Variants in ZNF558 observed in about 807,000 individuals in gnomAD.
ZNF558 encodes zinc finger protein 558.
A neutral mutation model predicts 37.6 loss-of-function variants in ZNF558; 23 were observed. The ratio of observed to expected loss-of-function variants is 0.61; its 90% confidence interval spans 0.44 to 0.87. ZNF558 has a LOEUF of 0.87. Ranked by LOEUF, ZNF558 falls within the 40% of genes least tolerant of loss-of-function variation. The pLI is 0.00. For missense variants in ZNF558, 429 were observed against 483.7 expected, an observed-to-expected ratio of 0.89 and a Z score of 1.06; for synonymous variants, 189 against 174.4, an observed-to-expected ratio of 1.08 and a Z score of -0.66.
intron 4 of ZNF558, among the ~76,000 whole-genome samples, chr19:8,823,400 C>T (rs2044147876): frequency 8.7e-6 from 1 of 114,992 alleles, no homozygotes; most frequent in Non-Finnish European, 1.9e-5. Flanking sequence ...CTCGGTCACC[C>T]CCATCCTGCC....
intron 2 of ZNF558, among the ~76,000 whole-genome samples, chr19:8,827,748 A>G (rs1381061472): frequency 2.0e-5 from 3 of 151,640 alleles, no homozygotes; most frequent in African/African-American, 7.3e-5. Context: ...TAATTTTCGT[A>G]TTTTTAGTAG....
intron 2 of ZNF558, among the ~76,000 whole-genome samples, chr19:8,826,208 T>C (rs2044227835): frequency 6.6e-6 from 1 of 152,082 alleles, no homozygotes; most frequent in Non-Finnish European, 1.5e-5. Context: ...TACCAGGGAC[T>C]GGTTTCGTGG....
At chr19:8,830,598 A>T (rs1277494261) in intron 2 of ZNF558, among the ~76,000 whole-genome samples, 1 of 152,190 alleles carries the variant, frequency 6.6e-6, no homozygotes, top group Non-Finnish European at 1.5e-5. Context: ...TGCCTTTAGA[A>T]ATCAAATCAA....
Position 8,822,532 on chromosome 19 carries a change from G to A in ZNF558, c.31+97C>T, listed in dbSNP as rs2044120066. The A allele has an allele frequency of 3.8e-6, 6 of 1,568,750 alleles. No individual in the cohort carries two copies. In the East Asian group the frequency reaches 1.4e-4, roughly 36 times the overall value. ...TCTGGGCCCCTGGGGCTCCACTCCT[G>A]CCTCACCTGCTCTGCCCAACCCCGC... On this transcript the variant is annotated intron_variant, in intron 5 of 9. Transcript: ENST00000601372. This position sits in a 1 kb window ranked among gnomAD's most constrained non-coding sequence, Gnocchi z 4.4.
At chr19:8,834,942 G>A (rs2044438596), upstream of ZNF558, among the ~76,000 whole-genome samples, 1 of 151,986 alleles carries the variant, frequency 6.6e-6, no homozygotes, top group African/African-American at 2.4e-5. Flanking sequence ...CATGGACTGG[G>A]TGAAGACATT....
At chr19:8,830,222 T>G (rs10418211) in intron 2 of ZNF558, among the ~76,000 whole-genome samples, 5,137 of 152,280 alleles carry the variant, frequency 0.034, 300 homozygotes, top group African/African-American at 0.12. Flanking sequence ...GTAAGTTTCC[T>G]GAGGCCTCCC....
At position 8,811,398 on chromosome 19, in the gene ZNF558, C is replaced by T. The variant is rs781806142; in HGVS notation, c.1092G>A (p.Lys364=). Reference sequence around the variant, plus strand: ...CTCCAGTGTGAGTTCTTAAGTGTTTCTTCACAGCTGAGAGATTATTAAAGG... The same window carrying T: ...CTCCAGTGTGAGTTCTTAAGTGTTTTTTCACAGCTGAGAGATTATTAAAGG... ...GKAFNNLSAV[K]KHLRTHTGEK... is the part of the protein sequence containing the mutation. The change falls in exon 10 of 10, where the codon AAG becomes AAA. Residue 364 remains lysine (K), a synonymous_variant. Transcript: ENST00000601372. 6 of 1,613,050 alleles carry T rather than the reference C, an allele frequency of 3.7e-6. No homozygotes were observed. Among genetic ancestry groups the T allele is most frequent in the Non-Finnish European group, 5.1e-6 (6 of 1,179,750 alleles).
At chr19:8,834,960 G>A (rs1031581481), upstream of ZNF558, among the ~76,000 whole-genome samples, 14 of 151,658 alleles carry the variant, frequency 9.2e-5, no homozygotes, top group Non-Finnish European at 1.5e-5. Context: ...ATTTACAAAT[G>A]ATTTATCTGA....
chr19:8,826,592 G>T (rs1013145486), intron 2 of ZNF558, among the ~76,000 whole-genome samples: 3 of 152,096 alleles, frequency 2.0e-5, no homozygotes, highest in Admixed American at 1.3e-4. Flanking sequence ...GGTAATGCGA[G>T]CAATGAGGAG....
At chr19:8,821,707 G>A (rs1053196605) in intron 6 of ZNF558, 41 of 1,303,676 alleles carry the variant, frequency 3.1e-5, no homozygotes, top group African/African-American at 1.9e-4. Flanking sequence ...ACTGATTTCC[G>A]TGGCGTTTAT....
chr19:8,815,417 T>C (rs1238082939), intron 7 of ZNF558, among the ~76,000 whole-genome samples: 2 of 151,918 alleles, frequency 1.3e-5, no homozygotes, highest in Non-Finnish European at 2.9e-5. Flanking sequence ...TCAGAACATA[T>C]CTGAGCAGGC....
At chr19:8,821,381 A>C (rs557071507) in intron 6 of ZNF558, 75 bp from the exon 7 acceptor site, 15 of 1,613,680 alleles carry the variant, frequency 9.3e-6, no homozygotes, top group Middle Eastern at 1.7e-4. Flanking sequence ...GGCCAGGAGA[A>C]CAGAGCCAGG....
At position 8,811,391 on chromosome 19, in the gene ZNF558, A is replaced by C. The variant is rs2043785470; in HGVS notation, c.1099T>G (p.Leu367Val). The change falls in exon 10 of 10, where the codon TTA (leucine) becomes GTA (valine). Residue 367 changes from leucine to valine, a missense_variant. Physicochemically the swap from Leu to Val is conservative, Grantham distance 32 (BLOSUM62 1). Transcript: ENST00000601372. Reference protein sequence around the residue: ...FNNLSAVKKHLRTHTGEKPYE... With the variant: ...FNNLSAVKKHVRTHTGEKPYE... ...GGTTTTTCTCCAGTGTGAGTTCTTA[A>C]GTGTTTCTTCACAGCTGAGAGATTA... is the stretch of plus-strand genomic sequence containing the variant. The C allele has an allele frequency of 6.2e-7, 1 of 1,613,902 alleles. No homozygotes were observed. The highest frequency in any genetic ancestry group is 1.6e-4 in the Middle Eastern group (1 of 6,062).
chr19:8,831,691 C>T (rs2044360863), intron 1 of ZNF558, among the ~76,000 whole-genome samples: 4 of 152,198 alleles, frequency 2.6e-5, no homozygotes, highest in African/African-American at 9.7e-5. Flanking sequence ...TTAAAAATAT[C>T]TTGTCACTTA....
chr19:8,821,614 C>T lies in ZNF558; in HGVS notation c.121-308G>A, dbSNP rs992622989. On this transcript the variant is annotated intron_variant, in intron 6 of 9. Transcript: ENST00000601372. ...CTTTTCTCACTCAGACTGGGAGCTC[C>T]TGTGATCTTATTTCCCTCAATCTCC... 18 of 1,341,740 alleles carry T rather than the reference C, an allele frequency of 1.3e-5. No individual in the cohort carries two copies. The African/African-American group carries it at 2.4e-4, about 18-fold the overall frequency. 83.1% of individuals were successfully genotyped at this position (1,341,740 alleles called of 1,614,324 possible).
intron 6 of ZNF558, 108 bp downstream of exon 6, chr19:8,821,895 A>G (rs1214625594): frequency 4.6e-6 from 7 of 1,536,712 alleles, no homozygotes; most frequent in African/African-American, 1.4e-5. Flanking sequence ...AAATCCTGGG[A>G]TGCCTGAGGA....
chr19:8,828,721 G>A (rs1338177299), intron 2 of ZNF558, among the ~76,000 whole-genome samples: 2 of 152,124 alleles, frequency 1.3e-5, no homozygotes, highest in African/African-American at 4.8e-5. Flanking sequence ...CAGCACTTTG[G>A]GAGGCCTAGG....
Position 8,822,686 on chromosome 19 carries a change from G to A in ZNF558, c.-27C>T, listed in dbSNP as rs753341084. ...CTGTGACTCCGACAGCAACAGGGCAGCCGGGAAGCAGGACGCTCCTCCTTT... is the reference window on the plus strand; with the variant it reads ...CTGTGACTCCGACAGCAACAGGGCAACCGGGAAGCAGGACGCTCCTCCTTT... On this transcript the variant is annotated 5_prime_UTR_variant, in exon 5 of 10. Coordinates refer to ENST00000601372, the MANE Select transcript of ZNF558 (RefSeq NM_144693.3). This position sits in a 1 kb window ranked among gnomAD's most constrained non-coding sequence, Gnocchi z 4.4. 2.5e-6 allele frequency: 4 copies of A among 1,613,942 alleles called. No individual in the cohort carries two copies. The highest frequency in any genetic ancestry group is 4.5e-5 in the East Asian group (2 of 44,878).
chr19:8,831,083 T>C (rs2145317603), intron 2 of ZNF558: 1 of 152,346 alleles, frequency 6.6e-6, no homozygotes, highest in South Asian at 2.1e-4. Context: ...TACACATCTT[T>C]ACGTTATTTG....
Sources: gnomAD v4.1 joint callset for allele counts (sites outside exome capture counted in the v4.1 genomes callset) on GRCh38, gnomAD v4.1.1 for gene constraint, Gnocchi (gnomAD v3.1) non-coding constraint, MANE v1.5 for transcripts, NCBI Gene and HGNC (gene_info 2026-07-23, HGNC 2026-07-21) for gene names.